Variants in SULF1 observed in about 807,000 individuals in gnomAD.
SULF1 encodes the protein sulfatase 1, also known as extracellular sulfatase Sulf-1.
A neutral mutation model predicts 110.5 loss-of-function variants in SULF1; 46 were observed. The observed-to-expected ratio is 0.42, with a 90% confidence interval of 0.33 to 0.53. The LOEUF (loss-of-function observed/expected upper bound fraction) is 0.53. Ranked by LOEUF, SULF1 falls within the 20% of genes least tolerant of loss-of-function variation. SULF1 has a pLI of 0.12. For synonymous variants in SULF1, 371 were observed against 387.1 expected (o/e 0.96, Z 0.49); for missense variants, 941 against 1,094.2 (o/e 0.86, Z 1.98).
intron 15 of SULF1, chr8:69,626,113 T>G (rs2130586984): frequency 6.6e-6 from 1 of 151,054 alleles, no homozygotes; most frequent in East Asian, 2.0e-4. Context: ...TGTCAAATGG[T>G]GTATTCACAA....
intron 19 of SULF1, among the ~76,000 whole-genome samples, chr8:69,633,846 G>A (rs1413671948): frequency 6.6e-6 from 1 of 151,900 alleles, no homozygotes; most frequent in African/African-American, 2.4e-5. Context: ...ACTTTTAAAT[G>A]TCTGTCCTCC....
At chr8:69,586,552 A>G (rs1806476523) in intron 7 of SULF1, 44 bp downstream of exon 7, 8 of 1,584,390 alleles carry the variant, frequency 5.0e-6, no homozygotes, top group Non-Finnish European at 6.8e-6. Context: ...TACTTTGTGC[A>G]TAATGGGGAA....
rs114107230 is a variant in SULF1 at position 69,641,630 on chromosome 8, G to C, written c.2585+789G>C. 7.3e-3 allele frequency among the ~76,000 whole-genome samples: 1,115 copies of C among 152,192 alleles called. 17 individuals carry two copies. The highest frequency in any genetic ancestry group is 0.025 in the African/African-American group (1,058 of 41,498). On this transcript the variant is annotated intron_variant, in intron 22 of 22. Coordinates refer to ENST00000402687, the MANE Select transcript of SULF1 (RefSeq NM_001128205.2). The stretch of plus-strand genomic sequence containing the variant: ...GCACACCTGTAGTCCCAGCTACTCA[G>C]CTACTCAAGAAGCTGAGGCAGGAGG...
chr8:69,497,575 T>C (rs1424235639), intron 2 of SULF1, among the ~76,000 whole-genome samples: 3 of 152,262 alleles, frequency 2.0e-5, no homozygotes, highest in South Asian at 2.1e-4. Flanking sequence ...GTGTAAAGTA[T>C]ATAAAAATGC....
intron 19 of SULF1, among the ~76,000 whole-genome samples, chr8:69,636,095 T>C (rs1399384703): frequency 6.6e-6 from 1 of 152,188 alleles, no homozygotes; most frequent in Non-Finnish European, 1.5e-5. Flanking sequence ...CCTATTAGGT[T>C]GGTGCAAAAG....
intron 19 of SULF1, among the ~76,000 whole-genome samples, chr8:69,635,765 G>A (rs548884343): frequency 1.4e-4 from 21 of 152,234 alleles, no homozygotes; most frequent in African/African-American, 5.1e-4. Flanking sequence ...AGCACCACAG[G>A]CGGCTGAACT....
chr8:69,573,591 G>A (rs1311584458), intron 5 of SULF1, among the ~76,000 whole-genome samples: 1 of 152,136 alleles, frequency 6.6e-6, no homozygotes, highest in African/African-American at 2.4e-5. Flanking sequence ...GCCATCAACA[G>A]GGTTTGCTGT....
intron 3 of SULF1, among the ~76,000 whole-genome samples, chr8:69,528,612 G>A (rs562124701): frequency 6.6e-6 from 1 of 152,210 alleles, no homozygotes; most frequent in Non-Finnish European, 1.5e-5. Flanking sequence ...CCAACTTTTG[G>A]ACATACAACT....
chr8:69,529,947 G>A (rs915086261), intron 3 of SULF1, among the ~76,000 whole-genome samples: 1 of 152,186 alleles, frequency 6.6e-6, no homozygotes, highest in African/African-American at 2.4e-5. Flanking sequence ...GATACCAGGA[G>A]GCGAGAGTCA....
intron 1 of SULF1, among the ~76,000 whole-genome samples, chr8:69,476,133 A>AGG (rs2150535021): frequency 6.6e-6 from 1 of 152,310 alleles, no homozygotes; most frequent in African/African-American, 2.4e-5. Context: ...AAACCTTCAT[A>AGG]TTCTACCTTG....
chr8:69,582,133 A>G (rs918514553), intron 6 of SULF1, among the ~76,000 whole-genome samples: 2 of 152,220 alleles, frequency 1.3e-5, no homozygotes, highest in Admixed American at 1.3e-4. Flanking sequence ...AAGGGCAGGA[A>G]TGACTTGGGG....
intron 13 of SULF1, among the ~76,000 whole-genome samples, chr8:69,606,734 A>G (rs568541202): frequency 5.9e-5 from 9 of 152,224 alleles, no homozygotes; most frequent in Non-Finnish European, 1.3e-4. Context: ...TAAGTTACAA[A>G]CTTAATTTTG....
At chr8:69,636,031 A>G (rs1413565191) in intron 19 of SULF1, among the ~76,000 whole-genome samples, 33 of 152,134 alleles carry the variant, frequency 2.2e-4, no homozygotes, top group Non-Finnish European at 2.9e-5. Flanking sequence ...AGCTTTGGGG[A>G]TTAAATGAGT....
At chr8:69,578,827 A>C (rs1167825455) in intron 6 of SULF1, among the ~76,000 whole-genome samples, 4 of 152,314 alleles carry the variant, frequency 2.6e-5, no homozygotes, top group African/African-American at 9.6e-5. Flanking sequence ...AATAAAAGGA[A>C]TTCTTTAAGG....
chr8:69,569,895 A>T (rs528387873), intron 5 of SULF1, among the ~76,000 whole-genome samples: 9 of 147,404 alleles, frequency 6.1e-5, no homozygotes, highest in Non-Finnish European at 1.2e-4. Flanking sequence ...TTTTCTTGCC[A>T]ATTCCATAGT....
At chr8:69,508,359 C>T (rs577010891) in intron 3 of SULF1, among the ~76,000 whole-genome samples, 2 of 152,182 alleles carry the variant, frequency 1.3e-5, no homozygotes, top group Non-Finnish European at 2.9e-5. Flanking sequence ...CCCACCTTGG[C>T]CTTCCAAAAT....
chr8:69,485,664 C>T (rs974977447), intron 1 of SULF1, among the ~76,000 whole-genome samples: 1 of 152,178 alleles, frequency 6.6e-6, no homozygotes, highest in Admixed American at 6.5e-5. Flanking sequence ...CGGCTTGTGT[C>T]CAGGGTCCTA....
intron 3 of SULF1, among the ~76,000 whole-genome samples, chr8:69,507,931 G>A (rs1039194842): frequency 6.6e-6 from 1 of 152,170 alleles, no homozygotes; most frequent in Admixed American, 6.6e-5. Context: ...GCTGAGATGT[G>A]TATGGGACAA....
intron 3 of SULF1, among the ~76,000 whole-genome samples, chr8:69,546,781 T>G (rs1449267536): frequency 2.0e-5 from 3 of 152,232 alleles, no homozygotes; most frequent in Non-Finnish European, 4.4e-5. Context: ...AACATCATAA[T>G]GTTGCTAAAA....
Sources: allele counts gnomAD v4.1 joint callset (sites outside exome capture counted in the v4.1 genomes callset), GRCh38; gene constraint gnomAD v4.1.1; transcripts MANE v1.5; gene names NCBI Gene and HGNC (gene_info 2026-07-23, HGNC 2026-07-21).